DGKG: variants seen among roughly 807,000 people sequenced by gnomAD.
DGKG encodes the protein DAG kinase gamma.
A neutral mutation model predicts 105.3 loss-of-function variants in DGKG; 78 were observed. The observed-to-expected ratio is 0.74, with a 90% CI of 0.62 to 0.89. DGKG has a LOEUF of 0.89. DGKG is among the 40% of genes least tolerant of loss of function. The pLI is 0.00. For synonymous variants in DGKG, 346 were observed against 367.1 expected (o/e 0.94, Z 0.66); for missense variants, 958 against 1,020.1 (o/e 0.94, Z 0.83).
At chr3:186,355,622 A>C (rs955241660) in intron 1 of DGKG, among the ~76,000 whole-genome samples, 1 of 151,478 alleles carries the variant, frequency 6.6e-6, no homozygotes, top group Non-Finnish European at 1.5e-5. Flanking sequence ...AATCACCCCT[A>C]CTACTGCCAC....
intron 20 of DGKG, among the ~76,000 whole-genome samples, chr3:186,238,282 T>C (rs1328181703): frequency 1.9e-5 from 2 of 107,254 alleles, no homozygotes; most frequent in Admixed American, 2.9e-4. Flanking sequence ...GGTGACAGAA[T>C]GACTCTTTCT....
chr3:186,335,291 G>C (rs1421779544), intron 1 of DGKG, among the ~76,000 whole-genome samples: 1 of 152,082 alleles, frequency 6.6e-6, no homozygotes, highest in East Asian at 1.9e-4. Context: ...TGGTTAGGCT[G>C]GTCTCGAACT....
At position 186,210,480 on chromosome 3, in the gene DGKG, A is replaced by G. The variant is rs1020091347; in HGVS notation, c.1917+1315T>C. ...TCTCTGCCCTCTTACCAAGCTGGCC[A>G]AAAGTTCAGGGGATTAGCCAGATCG... On this transcript the variant is annotated intron_variant, in intron 21 of 24. Transcript: ENST00000265022. The surrounding 1 kb of genome is among the most constrained non-coding windows in gnomAD (Gnocchi z 5.2). 6.6e-6 allele frequency among the ~76,000 whole-genome samples: 1 copy of G among 152,208 alleles called. No individual in the cohort carries two copies.
intron 22 of DGKG, among the ~76,000 whole-genome samples, chr3:186,175,288 C>G (rs533345641): frequency 1.3e-5 from 2 of 152,296 alleles, no homozygotes; most frequent in South Asian, 4.1e-4. Context: ...ACATTCAGTA[C>G]AGCCCTACAC....
chr3:186,154,962 T>A (rs1715962874), intron 24 of DGKG, among the ~76,000 whole-genome samples: 1 of 152,156 alleles, frequency 6.6e-6, no homozygotes. Flanking sequence ...ACTAGATAAG[T>A]AGGATCATCT....
intron 1 of DGKG, among the ~76,000 whole-genome samples, chr3:186,359,949 A>G (rs1212720607): frequency 2.6e-5 from 4 of 152,216 alleles, no homozygotes; most frequent in Non-Finnish European, 5.9e-5. Flanking sequence ...GTTTTACCAC[A>G]AAGAAAAGGT....
chr3:186,302,507 CATATGTGTATATATATATATATAT>C lies in DGKG; in HGVS notation c.145-4302_145-4279del, dbSNP rs1195046138. Among the ~76,000 whole-genome samples the C allele has an allele frequency of 8.3e-3, 95 of 11,446 alleles. 2 individuals are homozygous for C. Among genetic ancestry groups the C allele is most frequent in the South Asian group, 0.024 (6 of 250 alleles). 7.5% of individuals were successfully genotyped at this position (11,446 alleles called of 152,430 possible). On this transcript the variant is annotated intron_variant, in intron 3 of 24. Coordinates refer to ENST00000265022, the MANE Select transcript of DGKG (RefSeq NM_001346.3). ...ATATATATATATATATATATATATA[CATATGTGTATATATATATATATAT>C]ACATATGTATATATATATATATATA...
intron 7 of DGKG, among the ~76,000 whole-genome samples, chr3:186,283,519 A>G (rs923810220): frequency 1.3e-5 from 2 of 151,960 alleles, no homozygotes; most frequent in Non-Finnish European, 2.9e-5. Flanking sequence ...TAAAGCTTCA[A>G]CTTCTTCCAA....
intron 22 of DGKG, among the ~76,000 whole-genome samples, chr3:186,172,450 T>C (rs757264485): frequency 6.6e-6 from 1 of 152,160 alleles, no homozygotes; most frequent in African/African-American, 2.4e-5. Context: ...CACACCACCA[T>C]GGTGGCAAGG....
chr3:186,338,498 C>T (rs1448105149), intron 1 of DGKG, among the ~76,000 whole-genome samples: 1 of 151,980 alleles, frequency 6.6e-6, no homozygotes, highest in Non-Finnish European at 1.5e-5. Flanking sequence ...TTTTAAAAAC[C>T]TCTCAAAATT....
chr3:186,204,196 G>C (rs1718611988), intron 21 of DGKG, among the ~76,000 whole-genome samples: 1 of 152,086 alleles, frequency 6.6e-6, no homozygotes, highest in Admixed American at 6.6e-5. Flanking sequence ...ATCTATTGAG[G>C]TCAGGAGTTT....
chr3:186,251,121 A>C (rs1382952716), intron 19 of DGKG, among the ~76,000 whole-genome samples: 2 of 152,068 alleles, frequency 1.3e-5, no homozygotes, highest in Non-Finnish European at 2.9e-5. Flanking sequence ...GGGGGGCACC[A>C]GATAAGCACA....
At chr3:186,191,862 T>C (rs2284842) in intron 21 of DGKG, among the ~76,000 whole-genome samples, 94,363 of 152,078 alleles carry the variant, frequency 0.62, 29,531 homozygotes, top group East Asian at 0.76. Flanking sequence ...AAACAAAAAC[T>C]GACTCCTTTT....
intron 2 of DGKG, 107 bp downstream of exon 2, chr3:186,320,286 A>C: frequency 7.4e-7 from 1 of 1,355,564 alleles, no homozygotes; most frequent in Non-Finnish European, 1.0e-6. Context: ...GTCAGGCCTG[A>C]CATCATTCTT....
intron 5 of DGKG, among the ~76,000 whole-genome samples, chr3:186,289,873 GAAAC>G (rs1723238065): frequency 6.6e-6 from 1 of 152,190 alleles, no homozygotes; most frequent in Admixed American, 6.5e-5. Context: ...TTCATTCGGA[GAAAC>G]AAATAACCAA....
chr3:186,149,415 C>A lies in DGKG; in HGVS notation c.*675G>T. 1 of 985,478 alleles carries A rather than the reference C, an allele frequency of 1.0e-6. No homozygotes were observed. Among genetic ancestry groups the A allele is most frequent in the South Asian group, 4.7e-5 (1 of 21,288 alleles). 61.0% of individuals were successfully genotyped at this position (985,478 alleles called of 1,614,324 possible). ...AGCCGCCTCTAAGCAAACATGTAGA[C>A]ACCAGGAGAAGGTTCCTGGAAAATA... On this transcript the variant is annotated 3_prime_UTR_variant, in exon 25 of 25. Transcript: ENST00000265022.
chr3:186,151,328 A>T (rs1344282756), intron 24 of DGKG, among the ~76,000 whole-genome samples: 1 of 152,258 alleles, frequency 6.6e-6, no homozygotes, highest in African/African-American at 2.4e-5. Context: ...ACATTATAGG[A>T]AATGACAGTG....
At chr3:186,303,342 T>A (rs1724066932) in intron 3 of DGKG, among the ~76,000 whole-genome samples, 1 of 152,090 alleles carries the variant, frequency 6.6e-6, no homozygotes. Flanking sequence ...TGGACTAACA[T>A]CCCAGGCACA....
rs958139674 is a variant in DGKG, at chr3:186,337,404, T to TA, written c.-248-16698dup. Among the ~76,000 whole-genome samples, 11 of 151,586 alleles carry TA rather than the reference T, an allele frequency of 7.3e-5. No individual in the cohort carries two copies. In the South Asian group the frequency reaches 1.5e-3, roughly 20 times the overall value. On this transcript the variant is annotated intron_variant, in intron 1 of 24. Transcript: ENST00000265022. ...AACAAAATTCAACACTGAAATATAA[T>TA]AAAAAAACAAACAAAAAAACAAACA...
Sources: allele counts gnomAD v4.1 joint callset (sites outside exome capture counted in the v4.1 genomes callset), GRCh38; gene constraint gnomAD v4.1.1; non-coding constraint Gnocchi (gnomAD v3.1); transcripts MANE v1.5; gene names NCBI Gene and HGNC (gene_info 2026-07-23, HGNC 2026-07-21).